Variants in KHDRBS2 observed in about 807,000 individuals in gnomAD.
The protein encoded by KHDRBS2 is KH RNA binding domain containing, signal transduction associated 2.
KHDRBS2 carries 26 observed loss-of-function variants against 44.3 expected under a neutral mutation model. The ratio of observed to expected loss-of-function variants is 0.59; its 90% confidence interval spans 0.43 to 0.81. The LOEUF (loss-of-function observed/expected upper bound fraction) is 0.81. Among genes scored for constraint, KHDRBS2 ranks in the 40% least tolerant of loss-of-function variants. KHDRBS2 has a pLI of 0.00. For missense variants in KHDRBS2, 476 were observed against 433.1 expected (o/e 1.10, Z -0.88); for synonymous variants, 194 against 151.1 (o/e 1.28, Z -2.08).
At chr6:61,674,591 T>C in the KHDRBS2 span, among the ~76,000 whole-genome samples, 63 of 151,934 alleles carry the variant, frequency 4.1e-4, no homozygotes, top group Non-Finnish European at 6.9e-4. Context: ...AAGATTCCAC[T>C]ATCATTATTG....
chr6:62,271,668 T>C (rs1840111289), intron 1 of KHDRBS2, among the ~76,000 whole-genome samples: 1 of 152,078 alleles, frequency 6.6e-6, no homozygotes, highest in Non-Finnish European at 1.5e-5. Flanking sequence ...TTGATGATCC[T>C]GATCTTGTAT....
At chr6:62,119,252 G>A (rs1375572426) in intron 2 of KHDRBS2, among the ~76,000 whole-genome samples, 2 of 152,158 alleles carry the variant, frequency 1.3e-5, no homozygotes, top group Non-Finnish European at 2.9e-5. Flanking sequence ...CTCATTCACT[G>A]CTCTTAAGAG....
intron 3 of KHDRBS2, among the ~76,000 whole-genome samples, chr6:62,036,951 A>G (rs1562695209): frequency 1.3e-5 from 2 of 152,024 alleles, no homozygotes; most frequent in African/African-American, 4.8e-5. Context: ...AAGGAAACTA[A>G]CACAACCCCA....
chr6:61,640,293 C>G, the KHDRBS2 span, among the ~76,000 whole-genome samples: 1 of 151,952 alleles, frequency 6.6e-6, no homozygotes, highest in African/African-American at 2.4e-5. Flanking sequence ...TAGTGTAGGT[C>G]TAAATATTTC....
chr6:61,875,191 A>AGG (rs1799239018), intron 6 of KHDRBS2, among the ~76,000 whole-genome samples: 1 of 151,492 alleles, frequency 6.6e-6, no homozygotes, highest in South Asian at 2.1e-4. Flanking sequence ...GGGGGCAGGG[A>AGG]GGGAGAGAGA....
At chr6:61,663,500 C>CAT in the KHDRBS2 span, among the ~76,000 whole-genome samples, 1,385 of 35,972 alleles carry the variant, frequency 0.039, 376 homozygotes, top group Non-Finnish European at 0.052. Context: ...CATGAGACAC[C>CAT]ATATATATAT....
chr6:62,236,914 T>G (rs1262819844), intron 1 of KHDRBS2, among the ~76,000 whole-genome samples: 1 of 152,174 alleles, frequency 6.6e-6, no homozygotes, highest in Non-Finnish European at 1.5e-5. Flanking sequence ...ATCTTCATTT[T>G]TTTCATACAA....
intron 7 of KHDRBS2, among the ~76,000 whole-genome samples, chr6:61,710,259 GT>G: frequency 6.6e-6 from 1 of 151,656 alleles, no homozygotes; most frequent in Non-Finnish European, 1.5e-5. Flanking sequence ...AGTTTTTACT[GT>G]TTTGTGATTA....
intron 2 of KHDRBS2, among the ~76,000 whole-genome samples, chr6:62,083,909 C>A (rs1172739867): frequency 1.3e-5 from 2 of 152,100 alleles, no homozygotes; most frequent in East Asian, 1.9e-4. Flanking sequence ...CTATTAGAAA[C>A]AATTAGGTAG....
In KHDRBS2 at chr6:61,868,830, G is replaced by C. The variant is rs185015033; in HGVS notation, c.810+25805C>G. Among the ~76,000 whole-genome samples the C allele has an allele frequency of 2.0e-5, 3 of 152,142 alleles. No individual in the cohort carries two copies. The South Asian group carries it at 6.2e-4, about 32-fold the overall frequency. ...CTTCCAAGGGGTATTATGGACCTCC[G>C]GGCTTGCCTGAGTTGCAGTCGCCTT... On this transcript the variant is annotated intron_variant, in intron 6 of 8. Coordinates refer to ENST00000281156, the MANE Select transcript of KHDRBS2 (RefSeq NM_152688.4).
intron 1 of KHDRBS2, among the ~76,000 whole-genome samples, chr6:62,180,753 A>T (rs939004408): frequency 6.6e-6 from 1 of 151,874 alleles, no homozygotes; most frequent in African/African-American, 2.4e-5. Flanking sequence ...TTGAGAAAAT[A>T]CACAACTGGA....
At chr6:62,095,556 T>C (rs1433331767) in intron 2 of KHDRBS2, among the ~76,000 whole-genome samples, 1 of 151,856 alleles carries the variant, frequency 6.6e-6, no homozygotes, top group Non-Finnish European at 1.5e-5. Context: ...TTTATGTAAG[T>C]ATTCTTCATG....
chr6:61,947,913 AAATAAT>A (rs56372678), intron 4 of KHDRBS2, among the ~76,000 whole-genome samples: 8,219 of 143,142 alleles, frequency 0.057, 263 homozygotes, highest in Middle Eastern at 0.08. Context: ...CACACACACA[AAATAAT>A]AATAATAATA....
chr6:61,932,434 A>T (rs1252231205), intron 4 of KHDRBS2, among the ~76,000 whole-genome samples: 1 of 151,826 alleles, frequency 6.6e-6, no homozygotes, highest in East Asian at 1.9e-4. Context: ...TCCGCTAACC[A>T]CTCCAGCCAC....
chr6:61,852,929 C>T (rs1287155693), intron 6 of KHDRBS2, among the ~76,000 whole-genome samples: 1 of 152,160 alleles, frequency 6.6e-6, no homozygotes, highest in Non-Finnish European at 1.5e-5. Context: ...GATCTTAACT[C>T]TACCCACCAT....
At chr6:61,990,021 C>A (rs1323708090) in intron 3 of KHDRBS2, among the ~76,000 whole-genome samples, 1 of 151,858 alleles carries the variant, frequency 6.6e-6, no homozygotes, top group Non-Finnish European at 1.5e-5. Context: ...GGAATAAGCA[C>A]CAGTTGCCCA....
chr6:61,695,695 A>G (rs1369354460), intron 8 of KHDRBS2, among the ~76,000 whole-genome samples: 1 of 152,196 alleles, frequency 6.6e-6, no homozygotes, highest in Non-Finnish European at 1.5e-5. Context: ...TTTACTTTAA[A>G]GAAATAAATA....
chr6:61,752,588 G>A (rs1277132670), intron 6 of KHDRBS2, among the ~76,000 whole-genome samples: 1 of 142,826 alleles, frequency 7.0e-6, no homozygotes, highest in Non-Finnish European at 1.5e-5. Context: ...ACTTTAACAA[G>A]CTAAAAACCT....
At chr6:61,989,745 C>T (rs1339134536) in intron 3 of KHDRBS2, among the ~76,000 whole-genome samples, 1 of 152,140 alleles carries the variant, frequency 6.6e-6, no homozygotes, top group African/African-American at 2.4e-5. Flanking sequence ...CCCACTGAAA[C>T]AAATGGTAAC....
Sources: gnomAD v4.1 joint callset for allele counts (sites outside exome capture counted in the v4.1 genomes callset) on GRCh38, gnomAD v4.1.1 for gene constraint, MANE v1.5 for transcripts, NCBI Gene and HGNC (gene_info 2026-07-23, HGNC 2026-07-21) for gene names.